Variants in CNTNAP2 observed in about 807,000 individuals in gnomAD.
CNTNAP2 encodes contactin associated protein 2.
CNTNAP2 carries 98 observed loss-of-function variants against 155.2 expected under a neutral mutation model. The ratio of observed to expected loss-of-function variants is 0.63; its 90% confidence interval spans 0.54 to 0.75. The LOEUF (loss-of-function observed/expected upper bound fraction) is 0.75, where lower values mean the gene tolerates loss of function less well. Among genes scored for constraint, CNTNAP2 ranks in the 30% least tolerant of loss-of-function variants. The pLI, the probability that CNTNAP2 is intolerant of heterozygous loss-of-function variation, is 0.00. For synonymous variants in CNTNAP2, 651 were observed against 631.2 expected, an observed-to-expected ratio of 1.03 and a Z score of -0.47; for missense variants, 1,727 against 1,688.1, an observed-to-expected ratio of 1.02 and a Z score of -0.40.
At chr7:148,055,399 C>T (rs972851285) in intron 15 of CNTNAP2, among the ~76,000 whole-genome samples, 1 of 152,106 alleles carries the variant, frequency 6.6e-6, no homozygotes, top group African/African-American at 2.4e-5. Context: ...AGGCTATGCA[C>T]CCGTGTCATC....
At chr7:147,191,390 C>A (rs1332412996) in intron 8 of CNTNAP2, among the ~76,000 whole-genome samples, 1 of 152,112 alleles carries the variant, frequency 6.6e-6, no homozygotes, top group African/African-American at 2.4e-5. Flanking sequence ...ATCCTGAAGT[C>A]AAAGTAAATA....
chr7:148,326,995 C>T (rs1343962494), intron 21 of CNTNAP2, among the ~76,000 whole-genome samples: 3 of 152,214 alleles, frequency 2.0e-5, no homozygotes, highest in East Asian at 1.9e-4. Context: ...TGCTCATACA[C>T]GTGCTCCCCT....
chr7:146,707,312 T>C (rs761465827), intron 1 of CNTNAP2, among the ~76,000 whole-genome samples: 25 of 152,134 alleles, frequency 1.6e-4, no homozygotes, highest in Non-Finnish European at 3.4e-4. Context: ...TCCTCTTCAT[T>C]TGTGATGGGC....
At chr7:147,957,955 G>T (rs1476682948) in intron 14 of CNTNAP2, among the ~76,000 whole-genome samples, 1 of 152,044 alleles carries the variant, frequency 6.6e-6, no homozygotes, top group Non-Finnish European at 1.5e-5. Context: ...TGCACCTGTG[G>T]TCCCAGCTGC....
At chr7:148,294,602 C>A (rs1248559922) in intron 21 of CNTNAP2, among the ~76,000 whole-genome samples, 1 of 152,136 alleles carries the variant, frequency 6.6e-6, no homozygotes, top group Non-Finnish European at 1.5e-5. Flanking sequence ...ATCAAAAAAT[C>A]AGTCCACTTT....
At chr7:147,009,280 C>A (rs184141161) in intron 3 of CNTNAP2, among the ~76,000 whole-genome samples, 1 of 151,986 alleles carries the variant, frequency 6.6e-6, no homozygotes, top group Non-Finnish European at 1.5e-5. Flanking sequence ...GATAATCATC[C>A]GATTTTTCCC....
At chr7:146,325,189 C>T (rs1014326309) in intron 1 of CNTNAP2, among the ~76,000 whole-genome samples, 2 of 152,112 alleles carry the variant, frequency 1.3e-5, no homozygotes, top group Admixed American at 1.3e-4. Context: ...CCTCAACCTC[C>T]CAAAGTGCTG....
At chr7:146,822,725 A>G (rs1803313172) in intron 2 of CNTNAP2, among the ~76,000 whole-genome samples, 1 of 147,034 alleles carries the variant, frequency 6.8e-6, no homozygotes, top group Non-Finnish European at 1.5e-5. Flanking sequence ...TTAAATATAT[A>G]TACTTAAGTA....
chr7:147,785,081 A>T (rs1180422538), intron 13 of CNTNAP2, among the ~76,000 whole-genome samples: 2 of 152,130 alleles, frequency 1.3e-5, no homozygotes, highest in African/African-American at 4.8e-5. Context: ...TGCACATAGC[A>T]AGTAGGCAAT....
intron 1 of CNTNAP2, among the ~76,000 whole-genome samples, chr7:146,409,895 T>A (rs1795842317): frequency 6.6e-6 from 1 of 152,212 alleles, no homozygotes; most frequent in African/African-American, 2.4e-5. Context: ...CTCAGTAGTA[T>A]GAAAGCAGGG....
chr7:146,598,753 G>C (rs747271226), intron 1 of CNTNAP2, among the ~76,000 whole-genome samples: 1 of 151,562 alleles, frequency 6.6e-6, no homozygotes, highest in Non-Finnish European at 1.5e-5. Context: ...CACTCTTTAG[G>C]TGATCTCACT....
At chr7:148,117,881 T>C (rs1804510208) in intron 15 of CNTNAP2, among the ~76,000 whole-genome samples, 1 of 150,674 alleles carries the variant, frequency 6.6e-6, no homozygotes, top group South Asian at 2.1e-4. Flanking sequence ...ATATAGATTG[T>C]ATATATTAAT....
At chr7:147,375,950 A>G (rs1796426217) in intron 9 of CNTNAP2, among the ~76,000 whole-genome samples, 2 of 152,014 alleles carry the variant, frequency 1.3e-5, no homozygotes, top group African/African-American at 4.8e-5. Flanking sequence ...GGAAGAATTG[A>G]TGAAGGCTTC....
At chr7:147,506,748 C>T (rs1365255736) in intron 11 of CNTNAP2, among the ~76,000 whole-genome samples, 6 of 152,230 alleles carry the variant, frequency 3.9e-5, no homozygotes, top group Non-Finnish European at 5.9e-5. Flanking sequence ...CCACTAACAT[C>T]TACCCACTGT....
chr7:147,487,094 G>A (rs571845321), intron 11 of CNTNAP2, among the ~76,000 whole-genome samples: 4 of 152,218 alleles, frequency 2.6e-5, no homozygotes, highest in Non-Finnish European at 2.9e-5. Flanking sequence ...ATGTCATACA[G>A]CTCTCTAAGC....
At chr7:146,508,145 T>C (rs988874552) in intron 1 of CNTNAP2, among the ~76,000 whole-genome samples, 1 of 152,222 alleles carries the variant, frequency 6.6e-6, no homozygotes, top group Admixed American at 6.5e-5. Context: ...CCATGCACTA[T>C]CTGCACCTCC....
At chr7:146,369,050 T>TATATATATATATATAC (rs1286983889) in intron 1 of CNTNAP2, among the ~76,000 whole-genome samples, 11 of 139,186 alleles carry the variant, frequency 7.9e-5, no homozygotes, top group South Asian at 4.3e-4. Context: ...TATATATATA[T>TATATATATATATATAC]ACATATATAT....
chr7:146,731,054 C>T (rs1381824468), intron 1 of CNTNAP2, among the ~76,000 whole-genome samples: 2 of 152,114 alleles, frequency 1.3e-5, no homozygotes, highest in African/African-American at 4.8e-5. Flanking sequence ...CCATGTAGCA[C>T]AAACTTGTAT....
In CNTNAP2 at chr7:146,358,193, C is replaced by T. The variant is rs569262619; in HGVS notation, c.97+241220C>T. Among the ~76,000 whole-genome samples the T allele has an allele frequency of 1.5e-3, 222 of 152,124 alleles. 1 individual carries two copies. Among genetic ancestry groups the T allele is most frequent in the African/African-American group, 5.2e-3 (214 of 41,512 alleles). On this transcript the variant is annotated intron_variant, in intron 1 of 23. Coordinates refer to ENST00000361727, the MANE Select transcript of CNTNAP2 (RefSeq NM_014141.6). Reference sequence around the variant, plus strand: ...GGGAGTACAGGTGCCCGCCACCATGCCCGGCTAATTTTTTGTATTTTTAGT... The same window carrying T: ...GGGAGTACAGGTGCCCGCCACCATGTCCGGCTAATTTTTTGTATTTTTAGT...
Sources: allele counts gnomAD v4.1 joint callset (sites outside exome capture counted in the v4.1 genomes callset), GRCh38; gene constraint gnomAD v4.1.1; transcripts MANE v1.5; gene names NCBI Gene and HGNC (gene_info 2026-07-23, HGNC 2026-07-21).